Variants in HELQ observed in about 807,000 individuals in gnomAD.
HELQ encodes helicase POLQ-like.
In HELQ, 77 loss-of-function variants were observed where a neutral mutation model predicts 111.6. The observed-to-expected ratio is 0.69, with a 90% CI of 0.57 to 0.83. The LOEUF (loss-of-function observed/expected upper bound fraction) is 0.83, where lower values mean the gene tolerates loss of function less well. HELQ is among the 40% of genes least tolerant of loss of function. The pLI, the probability that HELQ is intolerant of heterozygous loss-of-function variation, is 0.00. For missense variants in HELQ, 1,200 were observed against 1,288.5 expected, an observed-to-expected ratio of 0.93 and a Z score of 1.05; for synonymous variants, 438 against 454.7, an observed-to-expected ratio of 0.96 and a Z score of 0.47.
chr4:83,451,340 A>G (rs1327931054), intron 2 of HELQ, among the ~76,000 whole-genome samples: 1 of 152,110 alleles, frequency 6.6e-6, no homozygotes, highest in Admixed American at 6.6e-5. Flanking sequence ...AACCTACCAG[A>G]GTATACCAGG....
At chr4:83,436,495 C>T (rs1720468679) in intron 9 of HELQ, among the ~76,000 whole-genome samples, 2 of 152,070 alleles carry the variant, frequency 1.3e-5, no homozygotes, top group South Asian at 4.1e-4. Context: ...TGGATCAGCT[C>T]TCCAAGATTT....
intron 12 of HELQ, among the ~76,000 whole-genome samples, chr4:83,428,086 G>T (rs1719941799): frequency 6.6e-6 from 1 of 152,066 alleles, no homozygotes; most frequent in Admixed American, 6.6e-5. Flanking sequence ...GATGACTGTA[G>T]TATTAAAAGA....
intron 17 of HELQ, among the ~76,000 whole-genome samples, chr4:83,414,598 T>C (rs1396189097): frequency 6.6e-6 from 1 of 152,182 alleles, no homozygotes; most frequent in Admixed American, 6.5e-5. Flanking sequence ...CTGAGGCCAT[T>C]TGAGCACCAA....
In HELQ at chr4:83,448,487, T is replaced by C. The variant is rs534915258; in HGVS notation, c.1191+296A>G. Among the ~76,000 whole-genome samples, 12 of 151,818 alleles carry C rather than the reference T, an allele frequency of 7.9e-5. No homozygotes were observed. In the East Asian group the frequency reaches 1.9e-3, roughly 25 times the overall value. On this transcript the variant is annotated intron_variant, in intron 3 of 17. Transcript: ENST00000295488. ...GAGTTTGAGACCAGCCTGGCCAATA[T>C]GGTGAAACCCCGCCTCTACTAAAAA...
At position 83,438,748 on chromosome 4, in the gene HELQ, GA is replaced by G. The variant is rs200715200; in HGVS notation, c.1808+1114del. Among the ~76,000 whole-genome samples, 260 of 104,182 alleles carry G rather than the reference GA, an allele frequency of 2.5e-3. 2 individuals carry two copies. Among genetic ancestry groups the G allele is most frequent in the East Asian group, 6.5e-3 (27 of 4,124 alleles). The allele number at this position is 104,182 out of a possible 152,430, so 68.3% of individuals were successfully genotyped here. A position where few individuals can be genotyped will look rare whatever the true frequency, so the allele number is the denominator to read the frequency against. On this transcript the variant is annotated intron_variant, in intron 8 of 17. Transcript: ENST00000295488. Reference sequence around the variant, plus strand: ...GTGACAGAGTGAGACCCTGTCTCAGGAAAAAAAAAAAAAAAAAAGGAAAAGA... The same window carrying G: ...GTGACAGAGTGAGACCCTGTCTCAGGAAAAAAAAAAAAAAAAAGGAAAAGA...
Position 83,416,784 on chromosome 4 carries a change from T to C in HELQ, c.3145A>G (p.Thr1049Ala), listed in dbSNP as rs746252561. ...ANANPEVLVR[T>A]IDHLSRRQAK... The stretch of plus-strand genomic sequence containing the variant: ...TGGCGTCTTGATAAATGATCAATTG[T>C]CCTTACGAGCACTTCAGGATTTGCA... Residue 1049 changes from threonine to alanine, a missense_variant, in exon 17 of 18, where the codon ACA becomes GCA. Thr to Ala is a moderately conservative substitution (Grantham distance 58). Around this residue, in one of 3 missense-constraint regions of HELQ, gnomAD observed 585 missense variants for 665.3 expected, o/e 0.88. Transcript: ENST00000295488. 1.2e-6 allele frequency: 2 copies of C among 1,614,044 alleles called. No homozygotes were observed. The highest frequency in any genetic ancestry group is 4.5e-5 in the East Asian group (2 of 44,860).
intron 17 of HELQ, among the ~76,000 whole-genome samples, chr4:83,409,963 G>A (rs1390234390): frequency 6.6e-6 from 1 of 152,004 alleles, no homozygotes; most frequent in Non-Finnish European, 1.5e-5. Flanking sequence ...GAATAAAAAC[G>A]AGATAGGCCG....
chr4:83,411,386 G>C (rs937896889), intron 17 of HELQ, among the ~76,000 whole-genome samples: 4 of 151,474 alleles, frequency 2.6e-5, no homozygotes, highest in Non-Finnish European at 5.9e-5. Flanking sequence ...GAGGAGGGTG[G>C]ATCACTTGAG....
intron 17 of HELQ, among the ~76,000 whole-genome samples, chr4:83,409,342 A>G (rs1738964472): frequency 1.3e-5 from 2 of 152,104 alleles, no homozygotes. Flanking sequence ...TGAGGTCAGG[A>G]GATCGAGACC....
intron 2 of HELQ, among the ~76,000 whole-genome samples, chr4:83,450,309 G>A (rs945373148): frequency 1.4e-5 from 2 of 142,726 alleles, no homozygotes; most frequent in African/African-American, 5.2e-5. Flanking sequence ...CACTTTGGGA[G>A]CCTAAGGCAA....
intron 9 of HELQ, among the ~76,000 whole-genome samples, chr4:83,433,917 G>A (rs1332616534): frequency 6.8e-6 from 1 of 147,352 alleles, no homozygotes; most frequent in African/African-American, 2.6e-5. Context: ...GGAGGCAGAG[G>A]TTGCAGTGAG....
chr4:83,410,306 T>C (rs1739018981), intron 17 of HELQ, among the ~76,000 whole-genome samples: 1 of 152,210 alleles, frequency 6.6e-6, no homozygotes, highest in South Asian at 2.1e-4. Context: ...GGAATACCAG[T>C]AGAATTTGTG....
rs965556107 is a variant in HELQ at position 83,426,095 on chromosome 4, A to G, written c.2677-3T>C. On this transcript the variant is annotated splice_region_variant and splice_polypyrimidine_tract_variant and intron_variant, in intron 13 of 17. Transcript: ENST00000295488. ...TCTGCTGGACTGAGTTGGCTAAACT[A>G]CATGGAAAAAGAGCAAATAGATGGA... The G allele has an allele frequency of 1.9e-6, 3 of 1,541,540 alleles. No individual in the cohort carries two copies. The highest frequency in any genetic ancestry group is 1.4e-5 in the African/African-American group (1 of 73,360).
chr4:83,416,635 T>C lies in HELQ; in HGVS notation c.3198+96A>G, dbSNP rs867087478. 6.0e-6 allele frequency: 7 copies of C among 1,172,654 alleles called. No individual in the cohort carries two copies. The Middle Eastern group carries it at 1.0e-3, about 175-fold the overall frequency. The allele number at this position is 1,172,654 out of a possible 1,614,324, so 72.6% of individuals were successfully genotyped here. ...CTTTTGTATCTATAGAAATAAACAG[T>C]TATGCAATGTGAAATGTTTTTGTTC... On this transcript the variant is annotated intron_variant, in intron 17 of 17. Coordinates refer to ENST00000295488, the MANE Select transcript of HELQ (RefSeq NM_133636.5).
At chr4:83,452,959 T>G (rs1396233100) in intron 2 of HELQ, among the ~76,000 whole-genome samples, 1 of 148,764 alleles carries the variant, frequency 6.7e-6, no homozygotes, top group East Asian at 1.9e-4. Context: ...CAACTTATTA[T>G]CCCTTTCTTA....
rs754554228 is a variant in HELQ, at chr4:83,446,881, A to G, written c.1346T>C (p.Ile449Thr). Reference sequence around the variant, plus strand: ...CAGACTGTCAATTCTTCCAGTTTCAATCAAGGAGTTCACCAAGCTATGTCC... The same window carrying G: ...CAGACTGTCAATTCTTCCAGTTTCAGTCAAGGAGTTCACCAAGCTATGTCC... The part of the protein sequence containing the change: ...EKGHSLVNSL[I>T]ETGRIDSLGL... Residue 449 changes from isoleucine (I) to threonine (T), a missense_variant, in exon 4 of 18, where the codon ATT (isoleucine) becomes ACT (threonine). Ile to Thr is a moderately conservative substitution (Grantham distance 89, BLOSUM62 -1). Transcript: ENST00000295488. 3.7e-6 allele frequency: 6 copies of G among 1,613,794 alleles called. No homozygotes were observed. Among genetic ancestry groups the G allele is most frequent in the Non-Finnish European group, 5.1e-6 (6 of 1,179,788 alleles).
rs1297794156 is a variant in HELQ at position 83,436,971 on chromosome 4, A to T, written c.1935T>A (p.Ser645Arg). 1.2e-6 allele frequency: 2 copies of T among 1,614,178 alleles called. No homozygotes were observed. The highest frequency in any genetic ancestry group is 1.7e-6 in the Non-Finnish European group (2 of 1,180,018). The part of the protein sequence containing the change: ...TIPFGVAYHH[S>R]GLTSDERKLL... ...GTTTCCTTTCATCACTTGTTAAGCC[A>T]CTGTGGTGATAGGCAACTCCAAATG... Residue 645 changes from serine (S) to arginine (R), a missense_variant, in exon 9 of 18, where the codon AGT becomes AGA. Ser to Arg is a moderately radical substitution (Grantham distance 110). This residue lies in a region of HELQ where 585 missense variants were observed against 665.3 expected (regional missense o/e 0.88). Transcript: ENST00000295488.
At chr4:83,455,831 G>T (rs564200583), upstream of HELQ, 2 of 895,696 alleles carry the variant, frequency 2.2e-6, no homozygotes, top group African/African-American at 1.7e-5. Flanking sequence ...CTCAGGGCTC[G>T]CGGACCGGAA....
At chr4:83,453,066 G>A in intron 2 of HELQ, 165 bp downstream of exon 2, 1 of 559,074 alleles carries the variant, frequency 1.8e-6, no homozygotes, top group Admixed American at 3.4e-5. Context: ...AAGAGGTTCA[G>A]TGGTAGCAGG....
Sources: allele counts gnomAD v4.1 joint callset (sites outside exome capture counted in the v4.1 genomes callset), GRCh38; gene constraint gnomAD v4.1.1; regional missense constraint gnomAD v4.1.1; transcripts MANE v1.5; gene names NCBI Gene and HGNC (gene_info 2026-07-23, HGNC 2026-07-21).